Variants in ATP5F1D observed in about 807,000 individuals in gnomAD.
The protein encoded by ATP5F1D is ATP synthase F(1) complex subunit delta, mitochondrial.
A neutral mutation model predicts 13.0 loss-of-function variants in ATP5F1D; 16 were observed. The observed-to-expected ratio is 1.23, with a 90% confidence interval of 0.83 to 1.87. ATP5F1D has a LOEUF of 1.87. ATP5F1D is among the 40% of genes most tolerant of loss of function. The pLI, the probability that ATP5F1D is intolerant of heterozygous loss-of-function variation, is 0.00. For missense variants in ATP5F1D, 294 were observed against 246.2 expected (o/e 1.19, Z -1.30); for synonymous variants, 129 against 116.2 (o/e 1.11, Z -0.71).
chr19:1,244,292 C>A, intron 3 of ATP5F1D, 23 bp from the exon 4 acceptor site: 1 of 1,585,418 alleles, frequency 6.3e-7, no homozygotes, highest in East Asian at 2.3e-5. Context: ...GCTGGCCCCT[C>A]ACCGCCCCTC....
rs139231122 is a variant in ATP5F1D at position 1,242,299 on chromosome 19, C to T, written c.142-157C>T. The T allele has an allele frequency of 2.5e-5, 24 of 970,426 alleles. No homozygotes were observed. In the African/African-American group the frequency reaches 4.1e-4, roughly 17 times the overall value. The allele number at this position is 970,426 out of a possible 1,614,324, so 60.1% of individuals were successfully genotyped here. ...TAGAATGAGGCGCAACTGTTGAGGA[C>T]CAAAGCTGCAACTTCGGATCCCTGC... On this transcript the variant is annotated intron_variant, in intron 1 of 3. Coordinates refer to ENST00000215375, the MANE Select transcript of ATP5F1D (RefSeq NM_001687.5).
In ATP5F1D at chr19:1,244,537, C is replaced by A; in HGVS notation, c.*100C>A. The A allele has an allele frequency of 4.7e-6, 7 of 1,480,672 alleles. No individual in the cohort carries two copies. The highest frequency in any genetic ancestry group is 2.5e-4 in the Middle Eastern group (1 of 4,054). The allele number at this position is 1,480,672 out of a possible 1,614,324, so 91.7% of individuals were successfully genotyped here. ...GGGTCCCGGCCACCTGGGGAAGCCG[C>A]GCCTGCCAAGGAGGCCACCAGAGGG... On this transcript the variant is annotated 3_prime_UTR_variant, in exon 4 of 4. Coordinates refer to ENST00000215375, the MANE Select transcript of ATP5F1D (RefSeq NM_001687.5).
intron 1 of ATP5F1D, 28 bp downstream of exon 1, chr19:1,242,019 CG>C: frequency 7.3e-7 from 1 of 1,377,490 alleles, no homozygotes. Context: ...CGGGACCCTC[CG>C]TGGCCGCCGC....
chr19:1,244,519 G>T lies in ATP5F1D; in HGVS notation c.*82G>T, dbSNP rs735524. The stretch of plus-strand genomic sequence containing the variant: ...GGGCCCAGCCAGCTCCTGGGGTCCC[G>T]GCCACCTGGGGAAGCCGCGCCTGCC... On this transcript the variant is annotated 3_prime_UTR_variant, in exon 4 of 4. Transcript: ENST00000215375. 8.0e-6 allele frequency: 12 copies of T among 1,497,870 alleles called. No homozygotes were observed. In the African/African-American group the frequency reaches 1.5e-4, roughly 19 times the overall value. The allele number at this position is 1,497,870 out of a possible 1,614,324, so 92.8% of individuals were successfully genotyped here.
chr19:1,242,690 C>T (rs1260055297), intron 2 of ATP5F1D, 81 bp downstream of exon 2: 17 of 1,372,626 alleles, frequency 1.2e-5, no homozygotes, highest in African/African-American at 4.5e-5. Flanking sequence ...GTTGAGGCTG[C>T]GAGAAAAAAT....
intron 1 of ATP5F1D, 135 bp downstream of exon 1, chr19:1,242,126 C>T: frequency 8.8e-7 from 1 of 1,141,324 alleles, no homozygotes; most frequent in Non-Finnish European, 1.1e-6. Context: ...CAGCCCTGGA[C>T]CCTCGGCCCT....
At chr19:1,243,284 G>A (rs2081046799) in intron 2 of ATP5F1D, 1 of 152,354 alleles carries the variant, frequency 6.6e-6, no homozygotes, top group Admixed American at 6.5e-5. Context: ...TTGGGAGACT[G>A]AAGTGGGAGA....
In ATP5F1D at chr19:1,244,503, C is replaced by G; in HGVS notation, c.*66C>G. On this transcript the variant is annotated 3_prime_UTR_variant, in exon 4 of 4. Transcript: ENST00000215375. ...GGCAGGGATGCCAGGTGGGCCCAGCCAGCTCCTGGGGTCCCGGCCACCTGG... is the reference window on the plus strand; with the variant it reads ...GGCAGGGATGCCAGGTGGGCCCAGCGAGCTCCTGGGGTCCCGGCCACCTGG... 1 of 1,519,326 alleles carries G rather than the reference C, an allele frequency of 6.6e-7. No individual in the cohort carries two copies. Among genetic ancestry groups the G allele is most frequent in the Non-Finnish European group, 8.9e-7 (1 of 1,128,584 alleles). The allele number at this position is 1,519,326 out of a possible 1,614,324, so 94.1% of individuals were successfully genotyped here.
rs1349520012 is a variant in ATP5F1D at position 1,241,797 on chromosome 19, C to A, written c.-54C>A. On this transcript the variant is annotated 5_prime_UTR_variant, in exon 1 of 4. Coordinates refer to ENST00000215375, the MANE Select transcript of ATP5F1D (RefSeq NM_001687.5). ...TCCTCGCCCTCCAGGCCGCCCGCGC[C>A]GCGCCGGAGTCCGCTGTCCGCCAGC... 1 of 1,281,670 alleles carries A rather than the reference C, an allele frequency of 7.8e-7. No individual in the cohort carries two copies. Among genetic ancestry groups the A allele is most frequent in the African/African-American group, 1.6e-5 (1 of 63,832 alleles). 79.4% of individuals were successfully genotyped at this position (1,281,670 alleles called of 1,614,324 possible).
intron 1 of ATP5F1D, 52 bp downstream of exon 1, chr19:1,242,043 G>C (rs1305665576): frequency 1.5e-6 from 2 of 1,348,332 alleles, no homozygotes; most frequent in African/African-American, 3.0e-5. Flanking sequence ...CCGGAGTCCA[G>C]GGTCCCCACC....
intron 2 of ATP5F1D, chr19:1,243,335 T>C (rs2081047063): frequency 6.6e-6 from 1 of 152,060 alleles, no homozygotes; most frequent in Admixed American, 6.6e-5. Context: ...CTTGGCAACA[T>C]AGTGAGACCC....
intron 2 of ATP5F1D, 87 bp from the exon 3 acceptor site, chr19:1,244,010 C>A: frequency 7.5e-7 from 1 of 1,338,158 alleles, no homozygotes; most frequent in Non-Finnish European, 1.0e-6. Flanking sequence ...TCCTGGTTCA[C>A]AGGGGGCTCT....
At chr19:1,243,928 C>G (rs2145473660) in intron 2 of ATP5F1D, 169 bp from the exon 3 acceptor site, 2 of 662,324 alleles carry the variant, frequency 3.0e-6, no homozygotes, top group Non-Finnish European at 5.2e-6. Context: ...AGTTGCCCGC[C>G]ATGTTGGGCC....
Position 1,244,079 on chromosome 19 carries a change from C to A in ATP5F1D, c.296-18C>A. 1.2e-6 allele frequency: 2 copies of A among 1,602,670 alleles called. No homozygotes were observed. The highest frequency in any genetic ancestry group is 4.5e-5 in the East Asian group (2 of 44,018). ...GCCCTTTGGGGTCTCACGCCTTCCCCCCGCCCCATTCCCCCAGTGAGCAGC... is the reference window on the plus strand; with the variant it reads ...GCCCTTTGGGGTCTCACGCCTTCCCACCGCCCCATTCCCCCAGTGAGCAGC... On this transcript the variant is annotated intron_variant, in intron 2 of 3. Transcript: ENST00000215375.
chr19:1,244,155 G>A lies in ATP5F1D; in HGVS notation c.354G>A (p.Glu118=). The change falls in exon 3 of 4, where the codon GAG becomes GAA. Residue 118 remains glutamate (E), a synonymous_variant. Transcript: ENST00000215375. The stretch of plus-strand genomic sequence containing the variant: ...CTTCGGTGCAGTTGTTGGCCGAAGA[G>A]GCCGTGACGCTGGACATGTTGGACC... ...ADSSVQLLAE[E]AVTLDMLDLG... 1 of 1,612,444 alleles carries A rather than the reference G, an allele frequency of 6.2e-7. No homozygotes were observed. The highest frequency in any genetic ancestry group is 8.5e-7 in the Non-Finnish European group (1 of 1,179,422).
Position 1,244,099 on chromosome 19 carries a change from A to T in ATP5F1D, c.298A>T (p.Ser100Cys). Residue 100 changes from serine (S) to cysteine (C), a missense_variant and splice_region_variant, in exon 3 of 4, where the codon AGC (serine) becomes TGC (cysteine). Physicochemically the swap from Ser to Cys is moderately radical, Grantham distance 112 (BLOSUM62 -1). Coordinates refer to ENST00000215375, the MANE Select transcript of ATP5F1D (RefSeq NM_001687.5). Reference sequence around the variant, plus strand: ...TTCCCCCCGCCCCATTCCCCCAGTGAGCAGCGGTTCCATCGCAGTGAACGC... The same window carrying T: ...TTCCCCCCGCCCCATTCCCCCAGTGTGCAGCGGTTCCATCGCAGTGAACGC... ...EDGTTSKYFV[S>C]SGSIAVNADS... 4 of 1,609,552 alleles carry T rather than the reference A, an allele frequency of 2.5e-6. No individual in the cohort carries two copies. The highest frequency in any genetic ancestry group is 1.7e-4 in the Middle Eastern group (1 of 6,058).
intron 2 of ATP5F1D, 126 bp from the exon 3 acceptor site, chr19:1,243,971 C>T (rs1241291959): frequency 2.0e-6 from 2 of 993,842 alleles, no homozygotes; most frequent in African/African-American, 1.6e-5. Flanking sequence ...TTTGCACACT[C>T]AGGACACAGA....
At position 1,244,701 on chromosome 19, in the gene ATP5F1D, C is replaced by A; in HGVS notation, c.*264C>A. On this transcript the variant is annotated 3_prime_UTR_variant, in exon 4 of 4. Coordinates refer to ENST00000215375, the MANE Select transcript of ATP5F1D (RefSeq NM_001687.5). ...CTTCCGCCTCTCAAGATCCCCCCAG[C>A]CTGACGGGCCGCTTACCATCCCCTC... The A allele has an allele frequency of 2.0e-6, 1 of 500,842 alleles. No homozygotes were observed. Among genetic ancestry groups the A allele is most frequent in the Non-Finnish European group, 3.5e-6 (1 of 286,468 alleles). 31.0% of individuals were successfully genotyped at this position (500,842 alleles called of 1,614,324 possible). A position where few individuals can be genotyped will look rare whatever the true frequency, so the allele number is the denominator to read the frequency against.
Position 1,241,790 on chromosome 19 carries a change from C to CCCGCG in ATP5F1D, c.-52_-48dup, listed in dbSNP as rs1308420899. On this transcript the variant is annotated 5_prime_UTR_variant, in exon 1 of 4. Transcript: ENST00000215375. ...GTCGTCCTCCTCGCCCTCCAGGCCG[C>CCCGCG]CCGCGCCGCGCCGGAGTCCGCTGTC... 58 of 1,279,292 alleles carry CCCGCG rather than the reference C, an allele frequency of 4.5e-5. No homozygotes were observed. Among genetic ancestry groups the CCCGCG allele is most frequent in the Admixed American group, 1.3e-4 (3 of 23,066 alleles). 79.2% of individuals were successfully genotyped at this position (1,279,292 alleles called of 1,614,324 possible).
Sources: gnomAD v4.1 joint callset for allele counts on GRCh38, gnomAD v4.1.1 for gene constraint, MANE v1.5 for transcripts, NCBI Gene and HGNC (gene_info 2026-07-23, HGNC 2026-07-21) for gene names.